The following SEC24B variants were observed in gnomAD, a reference collection of about 807,000 sequenced individuals.
The protein encoded by SEC24B is SEC24 homolog B, COPII component.
Under a neutral mutation model 142.8 loss-of-function variants are expected in SEC24B, and 45 were observed. The observed-to-expected ratio is 0.32, with a 90% CI of 0.25 to 0.40. The LOEUF (loss-of-function observed/expected upper bound fraction) is 0.40, where lower values mean the gene tolerates loss of function less well. Among genes scored for constraint, SEC24B ranks in the 10% least tolerant of loss-of-function variants. The pLI, the probability that SEC24B is intolerant of heterozygous loss-of-function variation, is 1.00. For synonymous variants in SEC24B, 574 were observed against 568.2 expected (o/e 1.01, Z -0.15); for missense variants, 1,409 against 1,526.8 (o/e 0.92, Z 1.29).
intron 3 of SEC24B, among the ~76,000 whole-genome samples, chr4:109,480,014 A>G (rs1212263772): frequency 2.6e-5 from 4 of 152,056 alleles, no homozygotes; most frequent in Admixed American, 2.6e-4. Context: ...TATTTTATTT[A>G]CATCGATTTT....
At chr4:109,467,509 T>C (rs1732074477) in intron 2 of SEC24B, among the ~76,000 whole-genome samples, 1 of 152,092 alleles carries the variant, frequency 6.6e-6, no homozygotes. Context: ...TAGTATAGAA[T>C]TGTAATAGAT....
chr4:109,527,510 C>T (rs1724378322), intron 18 of SEC24B, 78 bp downstream of exon 18: 7 of 1,021,484 alleles, frequency 6.9e-6, no homozygotes, highest in South Asian at 4.2e-5. Context: ...GCAGTGCGTC[C>T]GCCTGTAATC....
At chr4:109,526,154 TAAA>T in intron 16 of SEC24B, 69 bp from the exon 17 acceptor site, 1 of 1,440,128 alleles carries the variant, frequency 6.9e-7, no homozygotes, top group Non-Finnish European at 9.6e-7. Flanking sequence ...ATCTTTGACT[TAAA>T]AAAGTAACTT....
chr4:109,484,076 A>G (rs1224533204), intron 4 of SEC24B, among the ~76,000 whole-genome samples: 1 of 152,234 alleles, frequency 6.6e-6, no homozygotes, highest in Admixed American at 6.5e-5. Context: ...TCATTGTCAA[A>G]TATCAGTTGT....
intron 10 of SEC24B, 128 bp from the exon 11 acceptor site, chr4:109,516,400 C>A: frequency 1.7e-6 from 1 of 601,752 alleles, no homozygotes; most frequent in Non-Finnish European, 2.8e-6. Context: ...GCACATATTA[C>A]AAAATAGCAA....
rs150652874 is a variant in SEC24B, at chr4:109,530,538, C to T, written c.3252+74C>T. ...AGATATGTACATGAAGAAAGGAAAT[C>T]TAGGTTGTTTTCTAATACTTAACTA... is the stretch of plus-strand genomic sequence containing the variant. On this transcript the variant is annotated intron_variant, in intron 19 of 23. Coordinates refer to ENST00000265175, the MANE Select transcript of SEC24B (RefSeq NM_006323.5). 4.0e-4 allele frequency: 502 copies of T among 1,243,950 alleles called. No homozygotes were observed. In the East Asian group the frequency reaches 6.0e-3, roughly 15 times the overall value. 77.1% of individuals were successfully genotyped at this position (1,243,950 alleles called of 1,614,324 possible).
At chr4:109,539,412 T>TA (rs1341731716) in intron 23 of SEC24B, 149 bp from the exon 24 acceptor site, 2 of 623,448 alleles carry the variant, frequency 3.2e-6, no homozygotes, top group African/African-American at 3.8e-5. Flanking sequence ...CAGTAATTTT[T>TA]AAAATATATA....
intron 2 of SEC24B, among the ~76,000 whole-genome samples, chr4:109,471,223 A>ACCT (rs912775491): frequency 6.6e-6 from 1 of 151,712 alleles, no homozygotes; most frequent in African/African-American, 2.4e-5. Context: ...GCTCACTGCA[A>ACCT]CCTCCTCCTC....
intron 2 of SEC24B, among the ~76,000 whole-genome samples, chr4:109,465,585 C>A (rs1177895130): frequency 7.9e-5 from 12 of 152,128 alleles, no homozygotes; most frequent in African/African-American, 2.9e-4. Context: ...ATCCACTTAT[C>A]CTAAAGTCCT....
intron 22 of SEC24B, among the ~76,000 whole-genome samples, chr4:109,535,736 C>T (rs112882353): frequency 3.4e-4 from 52 of 152,116 alleles, no homozygotes; most frequent in African/African-American, 1.2e-3. Flanking sequence ...CCTGTAGTCC[C>T]AGCTCTTAAG....
At chr4:109,489,540 T>C (rs890754331) in intron 4 of SEC24B, among the ~76,000 whole-genome samples, 1 of 143,302 alleles carries the variant, frequency 7.0e-6, no homozygotes, top group African/African-American at 2.6e-5. Flanking sequence ...CAAAAGAAAA[T>C]CCTACACTCA....
intron 1 of SEC24B, among the ~76,000 whole-genome samples, chr4:109,452,253 T>C (rs958696731): frequency 5.3e-5 from 8 of 151,984 alleles, no homozygotes; most frequent in African/African-American, 1.5e-4. Flanking sequence ...CAAATTGATA[T>C]TCTGTTCCTT....
At chr4:109,523,220 G>C (rs868691439) in intron 14 of SEC24B, among the ~76,000 whole-genome samples, 1 of 151,970 alleles carries the variant, frequency 6.6e-6, no homozygotes, top group Non-Finnish European at 1.5e-5. Flanking sequence ...CTATAATCCC[G>C]GCACTTTGGG....
Position 109,540,187 on chromosome 4 carries a change from C to A in SEC24B, c.*512C>A, listed in dbSNP as rs946179834. On this transcript the variant is annotated 3_prime_UTR_variant, in exon 24 of 24. Coordinates refer to ENST00000265175, the MANE Select transcript of SEC24B (RefSeq NM_006323.5). ...CTGTAAAAACAATAGAGTTTCAGTACATGAACTATAGAAAAAAATCTATAT... is the reference window on the plus strand; with the variant it reads ...CTGTAAAAACAATAGAGTTTCAGTAAATGAACTATAGAAAAAAATCTATAT... 6.6e-6 allele frequency: 1 copy of A among 152,620 alleles called. No individual in the cohort carries two copies. The highest frequency in any genetic ancestry group is 2.4e-5 in the African/African-American group (1 of 41,416). The allele number at this position is 152,620 out of a possible 1,614,324, so 9.5% of individuals were successfully genotyped here.
At chr4:109,522,608 T>C (rs1361891993) in intron 14 of SEC24B, among the ~76,000 whole-genome samples, 1 of 152,242 alleles carries the variant, frequency 6.6e-6, no homozygotes, top group Non-Finnish European at 1.5e-5. Flanking sequence ...ATGCTCATAC[T>C]AATAAACTTT....
intron 1 of SEC24B, among the ~76,000 whole-genome samples, chr4:109,448,673 C>A (rs1308351940): frequency 6.6e-6 from 1 of 152,032 alleles, no homozygotes; most frequent in Non-Finnish European, 1.5e-5. Context: ...GAACTCCTGA[C>A]CTGCCCACCT....
chr4:109,511,035 A>G (rs1578942056), intron 8 of SEC24B, among the ~76,000 whole-genome samples: 1 of 152,154 alleles, frequency 6.6e-6, no homozygotes, highest in African/African-American at 2.4e-5. Flanking sequence ...GAATTTATTC[A>G]TTGGGTAAAT....
intron 4 of SEC24B, among the ~76,000 whole-genome samples, chr4:109,488,083 C>T (rs1045258022): frequency 4.0e-5 from 6 of 151,460 alleles, no homozygotes; most frequent in Admixed American, 4.0e-4. Flanking sequence ...CTTAGAATGC[C>T]CATGATATTT....
chr4:109,508,258 C>T (rs1253639662), intron 7 of SEC24B, among the ~76,000 whole-genome samples: 1 of 152,116 alleles, frequency 6.6e-6, no homozygotes, highest in Non-Finnish European at 1.5e-5. Flanking sequence ...TTAGGTACCC[C>T]CTACGTAGGT....
Sources: allele counts gnomAD v4.1 joint callset (sites outside exome capture counted in the v4.1 genomes callset), GRCh38; gene constraint gnomAD v4.1.1; transcripts MANE v1.5; gene names NCBI Gene and HGNC (gene_info 2026-07-23, HGNC 2026-07-21).